Variants in FGF12 observed in about 807,000 individuals in gnomAD.
FGF12 encodes the protein fibroblast growth factor 12B.
Under a neutral mutation model 23.6 loss-of-function variants are expected in FGF12, and 14 were observed. The observed-to-expected ratio is 0.59, with a 90% confidence interval of 0.39 to 0.93. The LOEUF is 0.93. Ranked by LOEUF, FGF12 falls within the 40% of genes least tolerant of loss-of-function variation. The pLI is 0.00. For missense variants in FGF12, 175 were observed against 217.8 expected, an observed-to-expected ratio of 0.80 and a Z score of 1.24; for synonymous variants, 62 against 77.3, an observed-to-expected ratio of 0.80 and a Z score of 1.04.
chr3:192,334,258 C>T (rs1717277438), intron 4 of FGF12, among the ~76,000 whole-genome samples: 1 of 152,038 alleles, frequency 6.6e-6, no homozygotes, highest in South Asian at 2.1e-4. Flanking sequence ...TTCTTCTGTG[C>T]AGCATGTAAA....
intron 2 of FGF12, among the ~76,000 whole-genome samples, chr3:192,689,966 T>C (rs1245752262): frequency 6.6e-6 from 1 of 151,980 alleles, no homozygotes; most frequent in Admixed American, 6.5e-5. Flanking sequence ...GATTTCTTAG[T>C]AGAAACCTTG....
chr3:192,660,401 C>A (rs1716616968), intron 2 of FGF12, among the ~76,000 whole-genome samples: 1 of 150,242 alleles, frequency 6.7e-6, no homozygotes, highest in Non-Finnish European at 1.5e-5. Flanking sequence ...AGGAGATATA[C>A]CTCATGTTAA....
chr3:192,292,873 C>T (rs1049835558), intron 4 of FGF12, among the ~76,000 whole-genome samples: 25 of 152,148 alleles, frequency 1.6e-4, no homozygotes, highest in Non-Finnish European at 3.4e-4. Flanking sequence ...ACCTCCTGAG[C>T]TCAAACGATC....
intron 2 of FGF12, among the ~76,000 whole-genome samples, chr3:192,459,526 G>C (rs1722789132): frequency 1.3e-5 from 2 of 152,156 alleles, no homozygotes; most frequent in African/African-American, 4.8e-5. Context: ...TTATTTGATT[G>C]CTTCCATGTC....
At chr3:192,614,986 A>T (rs1577080164) in intron 2 of FGF12, among the ~76,000 whole-genome samples, 1 of 151,866 alleles carries the variant, frequency 6.6e-6, no homozygotes, top group African/African-American at 2.4e-5. Context: ...AATCATCTTG[A>T]CCAGATCTAT....
At chr3:192,200,473 A>G (rs1187487925) in intron 4 of FGF12, among the ~76,000 whole-genome samples, 1 of 152,076 alleles carries the variant, frequency 6.6e-6, no homozygotes, top group African/African-American at 2.4e-5. Flanking sequence ...GAAAAACACT[A>G]GATCCAAGAG....
intron 2 of FGF12, among the ~76,000 whole-genome samples, chr3:192,650,342 A>G (rs750540216): frequency 6.6e-6 from 1 of 152,210 alleles, no homozygotes; most frequent in Non-Finnish European, 1.5e-5. Flanking sequence ...CCACTTGAAT[A>G]TGCCATACTG....
intron 2 of FGF12, among the ~76,000 whole-genome samples, chr3:192,503,241 T>A (rs1724185634): frequency 6.6e-6 from 1 of 152,228 alleles, no homozygotes; most frequent in Admixed American, 6.5e-5. Flanking sequence ...TACTTTTTAG[T>A]CACAGGTTAA....
At chr3:192,167,391 G>A (rs1715227029) in intron 5 of FGF12, among the ~76,000 whole-genome samples, 1 of 151,972 alleles carries the variant, frequency 6.6e-6, no homozygotes, top group African/African-American at 2.4e-5. Context: ...TCCAGGGCCA[G>A]CATGTGTGGT....
chr3:192,236,918 T>C (rs1719331079), intron 4 of FGF12, among the ~76,000 whole-genome samples: 3 of 152,180 alleles, frequency 2.0e-5, no homozygotes, highest in Admixed American at 2.0e-4. Flanking sequence ...GTATAGTTAC[T>C]TTATAGTGTC....
At chr3:192,197,946 CAAAAA>C (rs11328919) in intron 4 of FGF12, among the ~76,000 whole-genome samples, 3 of 49,130 alleles carry the variant, frequency 6.1e-5, no homozygotes, top group South Asian at 8.2e-4. Context: ...AATTCCTCCT[CAAAAA>C]AAAAAAAAAA....
intron 2 of FGF12, among the ~76,000 whole-genome samples, chr3:192,535,134 G>A (rs1021906544): frequency 3.3e-5 from 5 of 152,130 alleles, no homozygotes; most frequent in African/African-American, 1.2e-4. Context: ...GGCTATGGCA[G>A]GGGATTTGAA....
intron 2 of FGF12, among the ~76,000 whole-genome samples, chr3:192,609,889 A>T (rs1714487712): frequency 6.6e-6 from 1 of 152,122 alleles, no homozygotes; most frequent in East Asian, 1.9e-4. Context: ...ACTTTGTCAG[A>T]CCATGTCAGC....
intron 2 of FGF12, among the ~76,000 whole-genome samples, chr3:192,569,993 C>T (rs1315330929): frequency 2.0e-5 from 3 of 152,132 alleles, no homozygotes; most frequent in South Asian, 2.1e-4. Context: ...GAGCCAGTGC[C>T]GTAAAAGTGC....
chr3:192,407,901 G>C, intron 2 of FGF12: 2 of 1,071,710 alleles, frequency 1.9e-6, no homozygotes, highest in South Asian at 1.5e-5. Flanking sequence ...CTGGAAATGA[G>C]AGAAGAGGGG....
At chr3:192,155,286 C>G (rs1018566361) in intron 5 of FGF12, among the ~76,000 whole-genome samples, 1 of 152,198 alleles carries the variant, frequency 6.6e-6, no homozygotes, top group Non-Finnish European at 1.5e-5. Context: ...GCATTGCTCA[C>G]GCTGGGAGCT....
At position 192,408,157 on chromosome 3, in the gene FGF12, G is replaced by A; in HGVS notation, c.14-47619C>T. On this transcript the variant is annotated intron_variant, in intron 2 of 5. Coordinates refer to ENST00000445105, the MANE Select transcript of FGF12 (RefSeq NM_004113.6). The surrounding 1 kb of genome is among the most constrained non-coding windows in gnomAD (Gnocchi z 7.3). Reference sequence around the variant, plus strand: ...GAGCGGCGCTTGGAGGCCGACACTCGGTCGCTGTTGGACTCCCTCGCCTGC... The same window carrying A: ...GAGCGGCGCTTGGAGGCCGACACTCAGTCGCTGTTGGACTCCCTCGCCTGC... The A allele has an allele frequency of 6.2e-7, 1 of 1,611,126 alleles. No individual in the cohort carries two copies. The highest frequency in any genetic ancestry group is 8.5e-7 in the Non-Finnish European group (1 of 1,179,916).
intron 2 of FGF12, among the ~76,000 whole-genome samples, chr3:192,373,080 A>G (rs1403230690): frequency 1.3e-5 from 2 of 151,970 alleles, no homozygotes; most frequent in African/African-American, 4.8e-5. Flanking sequence ...TTGTACAGAT[A>G]TTATCTGGCA....
chr3:192,617,781 T>C (rs1483026064), intron 2 of FGF12, among the ~76,000 whole-genome samples: 1 of 151,834 alleles, frequency 6.6e-6, no homozygotes, highest in Non-Finnish European at 1.5e-5. Context: ...TGAGAAGAAA[T>C]TGACAAGGAA....
Sources: gnomAD v4.1 joint callset for allele counts (sites outside exome capture counted in the v4.1 genomes callset) on GRCh38, gnomAD v4.1.1 for gene constraint, Gnocchi (gnomAD v3.1) non-coding constraint, MANE v1.5 for transcripts, NCBI Gene and HGNC (gene_info 2026-07-23, HGNC 2026-07-21) for gene names.